SGCZ: variants seen among roughly 807,000 people sequenced by gnomAD.
SGCZ encodes sarcoglycan zeta.
A neutral mutation model predicts 41.3 loss-of-function variants in SGCZ; 40 were observed. The observed-to-expected ratio is 0.97, with a 90% CI of 0.75 to 1.26. SGCZ has a LOEUF of 1.26. Among genes scored for constraint, SGCZ ranks in the 50% most tolerant of loss-of-function variants. SGCZ has a pLI of 0.00. For missense variants in SGCZ, 552 were observed against 369.8 expected, an observed-to-expected ratio of 1.49 and a Z score of -4.04; for synonymous variants, 206 against 137.5, an observed-to-expected ratio of 1.50 and a Z score of -3.49.
intron 1 of SGCZ, among the ~76,000 whole-genome samples, chr8:14,875,000 T>C (rs1804296484): frequency 6.6e-6 from 1 of 152,174 alleles, no homozygotes; most frequent in African/African-American, 2.4e-5. Context: ...CAGATCTTCC[T>C]GGAGAAATTT....
intron 1 of SGCZ, among the ~76,000 whole-genome samples, chr8:15,140,534 C>T (rs369566580): frequency 2.0e-5 from 3 of 152,072 alleles, no homozygotes; most frequent in Non-Finnish European, 2.9e-5. Flanking sequence ...ATTGGTAATT[C>T]AACAAATATC....
At chr8:15,168,469 C>A (rs949466043) in intron 1 of SGCZ, among the ~76,000 whole-genome samples, 3 of 152,090 alleles carry the variant, frequency 2.0e-5, no homozygotes, top group African/African-American at 4.8e-5. Flanking sequence ...GCTCCCCCCA[C>A]AACCCAACCC....
At chr8:14,739,412 A>T (rs887832575) in intron 1 of SGCZ, among the ~76,000 whole-genome samples, 1 of 152,068 alleles carries the variant, frequency 6.6e-6, no homozygotes, top group Admixed American at 6.6e-5. Flanking sequence ...CAAACTTCAT[A>T]TGATTTAAAA....
intron 1 of SGCZ, among the ~76,000 whole-genome samples, chr8:14,621,364 C>A (rs1806279567): frequency 6.6e-6 from 1 of 150,966 alleles, no homozygotes. Flanking sequence ...TGCAGCACAC[C>A]AACATGGCAC....
chr8:14,865,691 A>C (rs1302270524), intron 1 of SGCZ, among the ~76,000 whole-genome samples: 2 of 152,130 alleles, frequency 1.3e-5, no homozygotes, highest in African/African-American at 4.8e-5. Context: ...ACAATACTTA[A>C]TCTAAGAAGT....
intron 1 of SGCZ, among the ~76,000 whole-genome samples, chr8:14,683,003 C>T (rs577438981): frequency 4.5e-4 from 68 of 152,146 alleles, no homozygotes; most frequent in African/African-American, 1.3e-3. Flanking sequence ...GACCAGATAA[C>T]GCCATTTAAT....
rs555854674 is a variant in SGCZ, at chr8:14,137,110, CA to C, written c.547+27469del. ...GACTGTTAGAAGGAAAACCAACAAA[CA>C]GAAAGAAAGAGCATCAGCATCAACA... On this transcript the variant is annotated intron_variant, in intron 5 of 7. Coordinates refer to ENST00000382080, the MANE Select transcript of SGCZ (RefSeq NM_139167.4). Among the ~76,000 whole-genome samples, 31 of 152,270 alleles carry C rather than the reference CA, an allele frequency of 2.0e-4. No individual in the cohort carries two copies. In the East Asian group the frequency reaches 5.4e-3, roughly 27 times the overall value.
intron 3 of SGCZ, among the ~76,000 whole-genome samples, chr8:14,262,433 A>C (rs190263413): frequency 1.3e-5 from 2 of 152,126 alleles, no homozygotes; most frequent in African/African-American, 4.8e-5. Context: ...AGGAATGAAT[A>C]TATAATTTTA....
intron 3 of SGCZ, among the ~76,000 whole-genome samples, chr8:14,297,620 T>C (rs958102320): frequency 3.9e-5 from 6 of 151,914 alleles, no homozygotes; most frequent in Admixed American, 6.6e-5. Flanking sequence ...TATAAAGACT[T>C]TCATGTACAT....
At chr8:14,717,863 A>G (rs767026517) in intron 1 of SGCZ, among the ~76,000 whole-genome samples, 1 of 152,020 alleles carries the variant, frequency 6.6e-6, no homozygotes, top group Non-Finnish European at 1.5e-5. Flanking sequence ...AAATTCTCCT[A>G]TAACTGTGAT....
At chr8:14,307,218 C>T (rs1291093354) in intron 3 of SGCZ, among the ~76,000 whole-genome samples, 1 of 152,066 alleles carries the variant, frequency 6.6e-6, no homozygotes, top group Non-Finnish European at 1.5e-5. Context: ...TGTTACCTTC[C>T]TTATTTTCCA....
chr8:14,345,804 G>A (rs868698401), intron 2 of SGCZ, among the ~76,000 whole-genome samples: 2 of 152,164 alleles, frequency 1.3e-5, no homozygotes, highest in Middle Eastern at 3.4e-3. Flanking sequence ...CATGATTCTA[G>A]ACCAAACTCC....
rs1800102488 is a variant in SGCZ, at chr8:14,272,689, T to C, written c.337-35010A>G. Among the ~76,000 whole-genome samples, 3 of 152,288 alleles carry C rather than the reference T, an allele frequency of 2.0e-5. No individual in the cohort carries two copies. The South Asian group carries it at 6.2e-4, about 32-fold the overall frequency. ...TTCATCATAATTTTAAGCCATTGAC[T>C]CTTTCTGAGGTTAGTAGGGAATGAC... On this transcript the variant is annotated intron_variant, in intron 3 of 7. Coordinates refer to ENST00000382080, the MANE Select transcript of SGCZ (RefSeq NM_139167.4).
rs7842912 is a variant in SGCZ, at chr8:15,111,097, G to C, written c.39+126488C>G. ...GGCCAATTCACGCTTATTTCATAAA[G>C]CTGGATCAGAAGGCAAACACCAGGG... On this transcript the variant is annotated intron_variant, in intron 1 of 7. Transcript: ENST00000382080. Among the ~76,000 whole-genome samples, 25 of 152,194 alleles carry C rather than the reference G, an allele frequency of 1.6e-4. 1 individual carries two copies. Among genetic ancestry groups the C allele is most frequent in the African/African-American group, 6.0e-4 (25 of 41,444 alleles).
chr8:15,048,707 TAATAAG>T (rs758318762), intron 1 of SGCZ, among the ~76,000 whole-genome samples: 4 of 152,138 alleles, frequency 2.6e-5, no homozygotes, highest in East Asian at 1.9e-4. Context: ...GATCTAAAAA[TAATAAG>T]AATATCTGTT....
intron 1 of SGCZ, chr8:14,690,676 G>GT (rs1028384666): frequency 1.2e-4 from 19 of 152,064 alleles, no homozygotes; most frequent in African/African-American, 4.6e-4. Context: ...TTCTAATACC[G>GT]TGGCTGGTGT....
chr8:14,442,057 G>A (rs1398357641), intron 2 of SGCZ, among the ~76,000 whole-genome samples: 1 of 152,190 alleles, frequency 6.6e-6, no homozygotes, highest in African/African-American at 2.4e-5. Flanking sequence ...CATAACCAGA[G>A]ACATTCGAAT....
chr8:14,857,341 C>T (rs1044643420), intron 1 of SGCZ, among the ~76,000 whole-genome samples: 4 of 152,036 alleles, frequency 2.6e-5, no homozygotes, highest in African/African-American at 4.8e-5. Context: ...AGTGAAAAAA[C>T]GAATACACTA....
chr8:14,825,310 C>A (rs187167586), intron 1 of SGCZ, among the ~76,000 whole-genome samples: 17 of 152,292 alleles, frequency 1.1e-4, no homozygotes, highest in Admixed American at 1.1e-3. Flanking sequence ...TTATCTCTCA[C>A]TATTCTTGTT....
Sources: gnomAD v4.1 joint callset for allele counts (sites outside exome capture counted in the v4.1 genomes callset) on GRCh38, gnomAD v4.1.1 for gene constraint, MANE v1.5 for transcripts, NCBI Gene and HGNC (gene_info 2026-07-23, HGNC 2026-07-21) for gene names.